The following PUDP variants were observed in gnomAD, a reference collection of about 807,000 sequenced individuals.
PUDP encodes pseudouridine-5'-phosphatase.
In PUDP, 8 loss-of-function variants were observed where a neutral mutation model predicts 9.4. The observed-to-expected ratio is 0.85, with a 90% CI of 0.50 to 1.53. The LOEUF (loss-of-function observed/expected upper bound fraction) is 1.53. Ranked by LOEUF, PUDP falls within the 40% of genes most tolerant of loss-of-function variation. The pLI is 0.00. For synonymous variants in PUDP, 99 were observed against 80.7 expected (o/e 1.23, Z -1.22); for missense variants, 188 against 189.7 (o/e 0.99, Z 0.05).
At chrX:6,791,118 G>T (rs1925738145) in intron 3 of PUDP, among the ~76,000 whole-genome samples, 1 of 110,568 alleles carries the variant, frequency 9.0e-6, no homozygotes, top group Admixed American at 9.6e-5. Context: ...CACTTTGGGA[G>T]GCCAAAGTGG....
intron 1 of PUDP, among the ~76,000 whole-genome samples, chrX:7,133,389 C>A (rs1278190797): frequency 8.9e-6 from 1 of 111,805 alleles, no homozygotes; most frequent in Non-Finnish European, 1.9e-5. Flanking sequence ...GCCAAACAGG[C>A]ACCAGGAGGA....
At chrX:6,884,640 T>C (rs1927396464) in intron 3 of PUDP, among the ~76,000 whole-genome samples, 1 of 111,581 alleles carries the variant, frequency 9.0e-6, no homozygotes, top group African/African-American at 3.3e-5. Context: ...TATTCAATAC[T>C]ATTGCCTGCA....
At chrX:6,915,141 C>A (rs1349481854) in intron 3 of PUDP, among the ~76,000 whole-genome samples, 1 of 112,158 alleles carries the variant, frequency 8.9e-6, no homozygotes, top group African/African-American at 3.2e-5. Flanking sequence ...CTAAATAGTT[C>A]TTTTTGAAGG....
intron 3 of PUDP, among the ~76,000 whole-genome samples, chrX:6,799,626 A>G (rs765662146): frequency 5.6e-4 from 62 of 111,270 alleles, no homozygotes; most frequent in Non-Finnish European, 9.4e-4. Context: ...TCACTACTCT[A>G]TCAAAGTTCG....
chrX:7,110,336 C>T (rs1169187481), intron 1 of PUDP, among the ~76,000 whole-genome samples: 2 of 112,140 alleles, frequency 1.8e-5, no homozygotes, highest in Admixed American at 9.4e-5. Context: ...TCACTAAGTC[C>T]GCCCCTGAGG....
chrX:7,105,897 T>G (rs1419681693), intron 1 of PUDP, 59 bp from the exon 2 acceptor site: 1 of 813,002 alleles, frequency 1.2e-6, no homozygotes, highest in Non-Finnish European at 1.8e-6. Flanking sequence ...TAAGTTTGTA[T>G]CAGGTCCGCA....
intron 3 of PUDP, among the ~76,000 whole-genome samples, chrX:6,767,542 T>A (rs959599689): frequency 1.8e-5 from 2 of 112,491 alleles, no homozygotes; most frequent in African/African-American, 6.5e-5. Context: ...TGATGCCAGT[T>A]CGCCCTTCAT....
At chrX:6,914,084 G>A (rs1460179153) in intron 3 of PUDP, among the ~76,000 whole-genome samples, 2 of 105,713 alleles carry the variant, frequency 1.9e-5, no homozygotes, top group Non-Finnish European at 3.9e-5. Context: ...GGAGAATGGC[G>A]TGAATCTGGG....
intron 3 of PUDP, among the ~76,000 whole-genome samples, chrX:6,899,401 C>G (rs911316788): frequency 9.0e-6 from 1 of 111,231 alleles, no homozygotes; most frequent in African/African-American, 3.3e-5. Flanking sequence ...GGCAACATGG[C>G]AAAACCCTGT....
intron 3 of PUDP, among the ~76,000 whole-genome samples, chrX:6,908,551 C>T (rs1364156874): frequency 9.0e-6 from 1 of 111,665 alleles, no homozygotes; most frequent in Non-Finnish European, 1.9e-5. Flanking sequence ...TGGTCCTGAA[C>T]TTGTGGAGTC....
chrX:6,851,717 C>T (rs1163857861), intron 3 of PUDP, among the ~76,000 whole-genome samples: 1 of 111,340 alleles, frequency 9.0e-6, no homozygotes, highest in Non-Finnish European at 1.9e-5. Context: ...CCACAGCTAT[C>T]CCATGGGCAC....
At chrX:7,109,735 C>T (rs1569162327) in intron 1 of PUDP, among the ~76,000 whole-genome samples, 1 of 112,042 alleles carries the variant, frequency 8.9e-6, no homozygotes, top group East Asian at 2.8e-4. Context: ...GATGATGGCA[C>T]ACTTAAAGGG....
chrX:6,750,405 C>CTG (rs1169308890), intron 3 of PUDP, among the ~76,000 whole-genome samples: 3 of 109,830 alleles, frequency 2.7e-5, no homozygotes, highest in Non-Finnish European at 5.7e-5. Flanking sequence ...GTGTGTGTGT[C>CTG]TGTGTGTGTG....
chrX:7,106,165 G>A, intron 1 of PUDP, among the ~76,000 whole-genome samples: 1 of 112,500 alleles, frequency 8.9e-6, no homozygotes, highest in East Asian at 2.8e-4. Flanking sequence ...AATTCCATTC[G>A]ATAGCACAAG....
intron 3 of PUDP, among the ~76,000 whole-genome samples, chrX:6,918,972 C>CATGTTTGAT: frequency 8.9e-6 from 1 of 112,157 alleles, no homozygotes; most frequent in Admixed American, 9.4e-5. Context: ...TGGTTTGCCA[C>CATGTTTGAT]CTGTTTGATC....
chrX:6,857,751 A>T, intron 3 of PUDP, among the ~76,000 whole-genome samples: 1 of 111,939 alleles, frequency 8.9e-6, no homozygotes, highest in Admixed American at 9.5e-5. Context: ...GTGGGGATTT[A>T]AAAATGAGAT....
chrX:6,957,229 G>A (rs770510500), intron 3 of PUDP, among the ~76,000 whole-genome samples: 163 of 110,809 alleles, frequency 1.5e-3, no homozygotes, highest in Non-Finnish European at 2.7e-3. Flanking sequence ...GTTTGAATGT[G>A]TCCCTGGAAG....
At chrX:7,101,563 AT>A (rs1177179046) in intron 2 of PUDP, among the ~76,000 whole-genome samples, 2 of 112,277 alleles carry the variant, frequency 1.8e-5, no homozygotes, top group African/African-American at 6.5e-5. Flanking sequence ...TAGATAAAAC[AT>A]TTTTTTCTTT....
At chrX:6,933,699 A>G (rs1369109633) in intron 3 of PUDP, among the ~76,000 whole-genome samples, 4 of 106,976 alleles carry the variant, frequency 3.7e-5, no homozygotes, top group South Asian at 4.1e-4. Flanking sequence ...ACGGGAGGAC[A>G]TTCAAACCAA....
Sources: gnomAD v4.1 joint callset for allele counts (sites outside exome capture counted in the v4.1 genomes callset) on GRCh38, gnomAD v4.1.1 for gene constraint, MANE v1.5 for transcripts, NCBI Gene and HGNC (gene_info 2026-07-23, HGNC 2026-07-21) for gene names.